The following TTLL11 variants were observed in gnomAD, a reference collection of about 807,000 sequenced individuals.
TTLL11 encodes the protein tubulin polyglutamylase TTLL11.
In TTLL11, 42 loss-of-function variants were observed where a neutral mutation model predicts 51.7. That is an observed-to-expected ratio of 0.81 (90% CI 0.64 to 1.05). TTLL11 has a LOEUF of 1.05. TTLL11 is among the 50% of genes least tolerant of loss of function. The pLI is 0.00. For missense variants in TTLL11, 799 were observed against 940.4 expected (o/e 0.85, Z 1.97); for synonymous variants, 381 against 383.5 (o/e 0.99, Z 0.08).
At chr9:121,889,093 T>C (rs1427719440) in intron 6 of TTLL11, among the ~76,000 whole-genome samples, 1 of 152,092 alleles carries the variant, frequency 6.6e-6, no homozygotes, top group Non-Finnish European at 1.5e-5. Flanking sequence ...GTGAGTTTAC[T>C]CTGTGGCAGG....
At chr9:122,066,757 T>A (rs1198607199) in intron 1 of TTLL11, among the ~76,000 whole-genome samples, 1 of 152,142 alleles carries the variant, frequency 6.6e-6, no homozygotes, top group Admixed American at 6.6e-5. Context: ...CATACTGTTA[T>A]CAAGAACTGC....
intron 6 of TTLL11, among the ~76,000 whole-genome samples, chr9:121,966,311 G>A (rs1380273015): frequency 6.6e-6 from 1 of 152,112 alleles, no homozygotes; most frequent in Non-Finnish European, 1.5e-5. Flanking sequence ...GGCATTGCGT[G>A]GCATCATGAT....
chr9:121,875,681 A>G (rs200696412), intron 6 of TTLL11, among the ~76,000 whole-genome samples: 2 of 152,248 alleles, frequency 1.3e-5, no homozygotes, highest in East Asian at 3.8e-4. Flanking sequence ...GATCCAAGCC[A>G]TCACAAATAT....
At chr9:121,889,911 G>C (rs4836870) in intron 6 of TTLL11, among the ~76,000 whole-genome samples, 4 of 144,332 alleles carry the variant, frequency 2.8e-5, no homozygotes, top group East Asian at 4.2e-4. Flanking sequence ...GGCGGGGCGG[G>C]GGGGGAGGTG....
At chr9:122,086,219 T>C (rs1846119842) in intron 1 of TTLL11, among the ~76,000 whole-genome samples, 2 of 152,226 alleles carry the variant, frequency 1.3e-5, no homozygotes, top group South Asian at 2.1e-4. Context: ...CTTGAATTTA[T>C]TGTCTTTTAA....
intron 7 of TTLL11, among the ~76,000 whole-genome samples, chr9:121,864,467 A>T (rs1406544681): frequency 1.3e-5 from 2 of 152,238 alleles, no homozygotes; most frequent in African/African-American, 2.4e-5. Context: ...CATGGAAAAG[A>T]TGAGCTTTGG....
intron 3 of TTLL11, among the ~76,000 whole-genome samples, chr9:122,002,944 C>CAAAAAAAAAAAAAAAAAAAAAAAAAA (rs547408355): frequency 2.6e-4 from 16 of 61,234 alleles, no homozygotes; most frequent in African/African-American, 8.4e-4. Flanking sequence ...GACTCTGTCT[C>CAAAAAAAAAAAAAAAAAAAAAAAAAA]AAAAAAAAAA....
At chr9:122,030,069 A>T (rs2131803903) in intron 3 of TTLL11, among the ~76,000 whole-genome samples, 1 of 152,148 alleles carries the variant, frequency 6.6e-6, no homozygotes, top group Middle Eastern at 3.4e-3. Flanking sequence ...ACAATGATGA[A>T]ATCACCCAAT....
chr9:121,873,741 C>G (rs114589004), intron 6 of TTLL11, among the ~76,000 whole-genome samples: 3,523 of 151,124 alleles, frequency 0.023, 122 homozygotes, highest in African/African-American at 0.08. Context: ...TCACTGTAGC[C>G]TAGGCTCAGC....
intron 1 of TTLL11, among the ~76,000 whole-genome samples, chr9:122,049,555 C>A (rs1256456559): frequency 6.6e-6 from 1 of 152,186 alleles, no homozygotes; most frequent in Admixed American, 6.5e-5. Flanking sequence ...ATCTTTGTCA[C>A]AAAGAAAGTT....
intron 8 of TTLL11, among the ~76,000 whole-genome samples, chr9:121,850,656 C>T (rs912736093): frequency 1.3e-5 from 2 of 152,242 alleles, no homozygotes; most frequent in East Asian, 1.9e-4. Context: ...GGATGGTGCC[C>T]ACTCACATTG....
At chr9:121,927,582 C>T (rs1322713144) in intron 6 of TTLL11, among the ~76,000 whole-genome samples, 3 of 151,488 alleles carry the variant, frequency 2.0e-5, no homozygotes, top group Non-Finnish European at 4.4e-5. Flanking sequence ...GTAAACTGCT[C>T]ATTTTGAAAT....
At chr9:121,978,439 A>C (rs1292401466) in intron 4 of TTLL11, among the ~76,000 whole-genome samples, 2 of 150,594 alleles carry the variant, frequency 1.3e-5, no homozygotes, top group African/African-American at 4.9e-5. Context: ...TGGGGTTCCC[A>C]AGGAAAAAGC....
At chr9:121,823,664 G>A (rs957229687) in intron 8 of TTLL11, among the ~76,000 whole-genome samples, 16 of 152,184 alleles carry the variant, frequency 1.1e-4, no homozygotes, top group Non-Finnish European at 1.9e-4. Context: ...AGAGATGCTG[G>A]TTACATGGGT....
intron 6 of TTLL11, among the ~76,000 whole-genome samples, chr9:121,891,946 C>A (rs1261312323): frequency 6.8e-6 from 1 of 146,838 alleles, no homozygotes; most frequent in Non-Finnish European, 1.5e-5. Flanking sequence ...AATATATATA[C>A]ACATATATAT....
intron 4 of TTLL11, among the ~76,000 whole-genome samples, chr9:121,985,443 A>C (rs971603012): frequency 2.0e-5 from 3 of 152,062 alleles, no homozygotes; most frequent in Non-Finnish European, 2.9e-5. Flanking sequence ...CCAAACTCAA[A>C]AGTGTTCTTA....
chr9:122,036,900 T>C (rs1844718932), intron 2 of TTLL11, among the ~76,000 whole-genome samples: 1 of 152,184 alleles, frequency 6.6e-6, no homozygotes, highest in Non-Finnish European at 1.5e-5. Context: ...TTTAAGAGTC[T>C]GCTTTGTCAT....
rs575766410 is a variant in TTLL11, at chr9:121,918,880, G to A, written c.1482-48132C>T. ...AGCCAGATACAAAACAGTACATACA[G>A]TATGGCAGCATTAATATGTAAAGTT... is the stretch of plus-strand genomic sequence containing the variant. On this transcript the variant is annotated intron_variant, in intron 6 of 8. Transcript: ENST00000321582. Among the ~76,000 whole-genome samples, 74 of 152,358 alleles carry A rather than the reference G, an allele frequency of 4.9e-4. 2 individuals carry two copies. In the South Asian group the frequency reaches 0.014, roughly 30 times the overall value.
chr9:122,045,339 G>C (rs1564373157), intron 1 of TTLL11, among the ~76,000 whole-genome samples: 2 of 152,124 alleles, frequency 1.3e-5, no homozygotes, highest in Non-Finnish European at 2.9e-5. Context: ...GATCACCTGA[G>C]GTCAGGGGTT....
Sources: gnomAD v4.1 joint callset for allele counts (sites outside exome capture counted in the v4.1 genomes callset) on GRCh38, gnomAD v4.1.1 for gene constraint, MANE v1.5 for transcripts, NCBI Gene and HGNC (gene_info 2026-07-23, HGNC 2026-07-21) for gene names.